The following SGCZ variants were observed in gnomAD, a reference collection of about 807,000 sequenced individuals.
SGCZ encodes the protein sarcoglycan zeta.
SGCZ carries 40 observed loss-of-function variants against 41.3 expected under a neutral mutation model. The ratio of observed to expected loss-of-function variants is 0.97; its 90% confidence interval spans 0.75 to 1.26. The LOEUF is 1.26. SGCZ is among the 50% of genes most tolerant of loss of function. The pLI is 0.00. For missense variants in SGCZ, 552 were observed against 369.8 expected (o/e 1.49, Z -4.04); for synonymous variants, 206 against 137.5 (o/e 1.50, Z -3.49).
At chr8:14,914,911 C>G (rs1349280118) in intron 1 of SGCZ, among the ~76,000 whole-genome samples, 2 of 152,124 alleles carry the variant, frequency 1.3e-5, no homozygotes, top group African/African-American at 4.8e-5. Context: ...CCCCCCAGAT[C>G]ATTTTTATTT....
chr8:14,686,942 G>A (rs930001927), intron 1 of SGCZ, among the ~76,000 whole-genome samples: 4 of 151,624 alleles, frequency 2.6e-5, no homozygotes, highest in Admixed American at 2.6e-4. Context: ...TTGAGCCTTT[G>A]CAACTCACCT....
At chr8:14,416,889 A>G (rs576097202) in intron 2 of SGCZ, among the ~76,000 whole-genome samples, 1 of 151,994 alleles carries the variant, frequency 6.6e-6, no homozygotes, top group South Asian at 2.1e-4. Flanking sequence ...CTGTAATCCT[A>G]TGCATGGATT....
chr8:15,187,993 T>TAC (rs1315123188), intron 1 of SGCZ, among the ~76,000 whole-genome samples: 1 of 152,038 alleles, frequency 6.6e-6, no homozygotes, highest in African/African-American at 2.4e-5. Flanking sequence ...ATACAATAAT[T>TAC]ACATTTTATT....
intron 2 of SGCZ, among the ~76,000 whole-genome samples, chr8:14,417,634 T>A (rs1799530281): frequency 6.6e-6 from 1 of 151,726 alleles, no homozygotes. Flanking sequence ...TGAATAAACA[T>A]AAAAATAACG....
chr8:15,164,956 T>G (rs1202410101), intron 1 of SGCZ, among the ~76,000 whole-genome samples: 1 of 151,998 alleles, frequency 6.6e-6, no homozygotes, highest in Non-Finnish European at 1.5e-5. Flanking sequence ...AGCAACTGGG[T>G]TTTCTTCTGC....
chr8:15,111,849 G>A (rs903077134), intron 1 of SGCZ, among the ~76,000 whole-genome samples: 44 of 150,396 alleles, frequency 2.9e-4, no homozygotes, highest in Middle Eastern at 3.4e-3. Flanking sequence ...GCAGTGAGCC[G>A]AGATTACACC....
chr8:14,526,743 G>C (rs757748385), intron 2 of SGCZ, among the ~76,000 whole-genome samples: 5 of 152,038 alleles, frequency 3.3e-5, no homozygotes, highest in African/African-American at 7.2e-5. Context: ...TCAACTCCTA[G>C]TGTGCGTACT....
intron 7 of SGCZ, among the ~76,000 whole-genome samples, chr8:14,093,348 A>G (rs759386398): frequency 6.6e-6 from 1 of 152,044 alleles, no homozygotes; most frequent in African/African-American, 2.4e-5. Context: ...TAATCTTGCT[A>G]CACTGCTCAA....
intron 7 of SGCZ, among the ~76,000 whole-genome samples, chr8:14,092,855 A>C (rs1801730696): frequency 6.6e-6 from 1 of 152,048 alleles, no homozygotes; most frequent in African/African-American, 2.4e-5. Flanking sequence ...TACAGTAGCT[A>C]ATCAGCACAG....
chr8:15,111,857 A>G (rs7840326), intron 1 of SGCZ, among the ~76,000 whole-genome samples: 133,273 of 150,966 alleles, frequency 0.88, 61,114 homozygotes, highest in Non-Finnish European at 1. Context: ...CCGAGATTAC[A>G]CCACCGCACT....
At chr8:14,208,124 T>A (rs1805678922) in intron 4 of SGCZ, among the ~76,000 whole-genome samples, 1 of 152,200 alleles carries the variant, frequency 6.6e-6, no homozygotes, top group Admixed American at 6.5e-5. Context: ...CATGTTTAGC[T>A]TAACATAATA....
intron 1 of SGCZ, among the ~76,000 whole-genome samples, chr8:14,870,317 C>T (rs1804101489): frequency 6.6e-6 from 1 of 151,408 alleles, no homozygotes; most frequent in East Asian, 1.9e-4. Context: ...GCGGTGAAAC[C>T]CCATCCCTAC....
intron 1 of SGCZ, among the ~76,000 whole-genome samples, chr8:15,007,942 T>G (rs896880050): frequency 6.6e-6 from 1 of 152,208 alleles, no homozygotes; most frequent in Non-Finnish European, 1.5e-5. Flanking sequence ...TCACATTTCT[T>G]TTTTAATCTA....
At chr8:14,568,447 A>C (rs1804449271) in intron 1 of SGCZ, among the ~76,000 whole-genome samples, 1 of 108,820 alleles carries the variant, frequency 9.2e-6, no homozygotes, top group South Asian at 2.8e-4. Flanking sequence ...ATTATCAGAA[A>C]AAAAAAAAAA....
intron 2 of SGCZ, among the ~76,000 whole-genome samples, chr8:14,445,076 A>G (rs999545411): frequency 4.9e-4 from 75 of 152,202 alleles, no homozygotes; most frequent in African/African-American, 1.8e-3. Context: ...ACTTCAAGAC[A>G]GTTGCTCAGT....
chr8:14,413,503 T>G (rs902003908), intron 2 of SGCZ, among the ~76,000 whole-genome samples: 1 of 152,014 alleles, frequency 6.6e-6, no homozygotes, highest in South Asian at 2.1e-4. Context: ...CTGAGTGCAA[T>G]AATCTTATAC....
chr8:14,584,362 A>G (rs928364572), intron 1 of SGCZ, among the ~76,000 whole-genome samples: 1 of 152,118 alleles, frequency 6.6e-6, no homozygotes, highest in African/African-American at 2.4e-5. Context: ...CTTGATTTTT[A>G]TGATGTGGAT....
In SGCZ at chr8:14,785,420, T is replaced by A. The variant is rs550701233; in HGVS notation, c.40-230494A>T. Among the ~76,000 whole-genome samples the A allele has an allele frequency of 3.9e-4, 60 of 152,280 alleles. No individual in the cohort carries two copies. The South Asian group carries it at 0.012, about 32-fold the overall frequency. ...AAATCTGTATCCATATATATTTTTT[T>A]AATTTCACATACATAACGATACCAA... is the stretch of plus-strand genomic sequence containing the variant. On this transcript the variant is annotated intron_variant, in intron 1 of 7. Transcript: ENST00000382080.
chr8:14,396,034 A>T (rs75661626), intron 2 of SGCZ, among the ~76,000 whole-genome samples: 5,800 of 152,110 alleles, frequency 0.038, 342 homozygotes, highest in African/African-American at 0.13. Context: ...GAGGGTACGT[A>T]CAAAAGAAAT....
Sources: gnomAD v4.1 joint callset for allele counts (sites outside exome capture counted in the v4.1 genomes callset) on GRCh38, gnomAD v4.1.1 for gene constraint, MANE v1.5 for transcripts, NCBI Gene and HGNC (gene_info 2026-07-23, HGNC 2026-07-21) for gene names.